RAI1: variants seen among roughly 807,000 people sequenced by gnomAD.
The protein encoded by RAI1 is retinoic acid induced 1.
RAI1 carries 9 observed loss-of-function variants against 123.8 expected under a neutral mutation model. The ratio of observed to expected loss-of-function variants is 0.07; its 90% CI spans 0.04 to 0.13. The LOEUF is 0.13. Among genes scored for constraint, RAI1 ranks in the 10% least tolerant of loss-of-function variants. RAI1 has a pLI of 1.00. For missense variants in RAI1, 2,256 were observed against 2,545.8 expected (o/e 0.89, Z 2.45); for synonymous variants, 1,231 against 1,127.3 (o/e 1.09, Z -1.84).
intron 2 of RAI1, chr17:17,778,814 G>C (rs570232278): frequency 2.2e-6 from 1 of 456,770 alleles, no homozygotes; most frequent in African/African-American, 2.0e-5. Flanking sequence ...AGCTAGCTAT[G>C]TACAGCTGGA....
At chr17:17,748,093 G>T (rs1048331806) in intron 2 of RAI1, among the ~76,000 whole-genome samples, 1 of 152,220 alleles carries the variant, frequency 6.6e-6, no homozygotes, top group Non-Finnish European at 1.5e-5. Flanking sequence ...GAGTCATGGC[G>T]GAAGGCGAAA....
chr17:17,811,121 C>T lies in RAI1; in HGVS notation c.*1140C>T, dbSNP rs1381367242. 6.8e-6 allele frequency: 2 copies of T among 292,104 alleles called. No individual in the cohort carries two copies. Among genetic ancestry groups the T allele is most frequent in the African/African-American group, 4.6e-5 (2 of 43,880 alleles). The allele number at this position is 292,104 out of a possible 1,614,324, so 18.1% of individuals were successfully genotyped here. ...TGTCCGTCCGTGTCCTCAGCTCTGT[C>T]CACGCTTCGATAGGCCTGACGCAGC... On this transcript the variant is annotated 3_prime_UTR_variant, in exon 6 of 6. Coordinates refer to ENST00000353383, the MANE Select transcript of RAI1 (RefSeq NM_030665.4).
intron 1 of RAI1, among the ~76,000 whole-genome samples, chr17:17,682,834 C>T (rs1318706608): frequency 6.6e-6 from 1 of 151,904 alleles, no homozygotes; most frequent in African/African-American, 2.4e-5. Context: ...CTCTCCTGCG[C>T]GGAGCCCGGG....
At chr17:17,778,618 T>C (rs2031440237) in intron 2 of RAI1, 1 of 408,284 alleles carries the variant, frequency 2.4e-6, no homozygotes, top group Non-Finnish European at 5.0e-6. Context: ...GTGGCTCCTC[T>C]CACCCCTGAA....
At chr17:17,712,538 T>G (rs1037580511) in intron 1 of RAI1, among the ~76,000 whole-genome samples, 2 of 152,164 alleles carry the variant, frequency 1.3e-5, no homozygotes, top group Non-Finnish European at 2.9e-5. Context: ...TTAAGTCTTA[T>G]GTGAGGTGGG....
rs1598006687 is a variant in RAI1, at chr17:17,681,805, G to C, written c.-149+12G>C. ...GCGCGGGCGCCGAGGTGAGCAGCGA[G>C]CGCCGGGGCGCGGGGGGCGCAGTGT... On this transcript the variant is annotated intron_variant, in intron 1 of 5. Coordinates refer to ENST00000353383, the MANE Select transcript of RAI1 (RefSeq NM_030665.4). 1 of 293,332 alleles carries C rather than the reference G, an allele frequency of 3.4e-6. No individual in the cohort carries two copies. The highest frequency in any genetic ancestry group is 6.3e-6 in the Non-Finnish European group (1 of 157,666). 18.2% of individuals were successfully genotyped at this position (293,332 alleles called of 1,614,324 possible). A position where few individuals can be genotyped will look rare whatever the true frequency, so the allele number is the denominator to read the frequency against.
At chr17:17,735,468 C>T (rs1474201183) in intron 2 of RAI1, among the ~76,000 whole-genome samples, 1 of 151,860 alleles carries the variant, frequency 6.6e-6, no homozygotes, top group African/African-American at 2.4e-5. Flanking sequence ...ATTCTCCTGC[C>T]TCAGCCACCC....
intron 1 of RAI1, among the ~76,000 whole-genome samples, chr17:17,709,922 G>T (rs777715916): frequency 6.6e-6 from 1 of 152,152 alleles, no homozygotes; most frequent in Admixed American, 6.5e-5. Context: ...ACAGGCGTGC[G>T]CACATTCCTA....
At position 17,789,467 on chromosome 17, in the gene RAI1, C is replaced by T. The variant is rs1471040072; in HGVS notation, c.-16-3466C>T. Among the ~76,000 whole-genome samples the T allele has an allele frequency of 2.6e-5, 4 of 152,316 alleles. No individual in the cohort carries two copies. The East Asian group carries it at 5.8e-4, about 22-fold the overall frequency. ...GTGCCCCAGGTGTGTGCCACACTGCCGAAGGCCTGTGAGAGCCGCTGGCCT... is the reference window on the plus strand; with the variant it reads ...GTGCCCCAGGTGTGTGCCACACTGCTGAAGGCCTGTGAGAGCCGCTGGCCT... On this transcript the variant is annotated intron_variant, in intron 2 of 5. Coordinates refer to ENST00000353383, the MANE Select transcript of RAI1 (RefSeq NM_030665.4).
chr17:17,791,546 CT>C (rs918433500), intron 2 of RAI1, among the ~76,000 whole-genome samples: 2 of 152,220 alleles, frequency 1.3e-5, no homozygotes, highest in Admixed American at 6.5e-5. Flanking sequence ...CCACCCCTTC[CT>C]TTTGGAGCAT....
chr17:17,732,670 T>C (rs1157042169), intron 2 of RAI1, among the ~76,000 whole-genome samples: 2 of 152,162 alleles, frequency 1.3e-5, no homozygotes, highest in Non-Finnish European at 2.9e-5. Flanking sequence ...TTATCATCCC[T>C]ATTTGACAGA....
intron 1 of RAI1, among the ~76,000 whole-genome samples, chr17:17,708,371 G>A (rs1268448532): frequency 6.6e-6 from 1 of 151,870 alleles, no homozygotes; most frequent in Non-Finnish European, 1.5e-5. Flanking sequence ...CAAGGAATTG[G>A]CTTTTGCACC....
Position 17,800,265 on chromosome 17 carries a change from A to G in RAI1, c.5565+1752A>G, listed in dbSNP as rs1358499046. Among the ~76,000 whole-genome samples, 3 of 145,782 alleles carry G rather than the reference A, an allele frequency of 2.1e-5. No homozygotes were observed. Among genetic ancestry groups the G allele is most frequent in the African/African-American group, 7.7e-5 (3 of 39,170 alleles). ...CTTCCCAGCGCCTTGAAACAGGTTCAAGTCTCTCCCGTCATCAAAAAATAA... is the reference window on the plus strand; with the variant it reads ...CTTCCCAGCGCCTTGAAACAGGTTCGAGTCTCTCCCGTCATCAAAAAATAA... On this transcript the variant is annotated intron_variant, in intron 3 of 5. Transcript: ENST00000353383. This position sits in a 1 kb window ranked among gnomAD's most constrained non-coding sequence, Gnocchi z 4.7.
At position 17,795,877 on chromosome 17, in the gene RAI1, A is replaced by G. The variant is rs2032221680; in HGVS notation, c.2929A>G (p.Asn977Asp). The G allele has an allele frequency of 1.2e-6, 2 of 1,612,576 alleles. No individual in the cohort carries two copies. Among genetic ancestry groups the G allele is most frequent in the Non-Finnish European group, 1.7e-6 (2 of 1,179,974 alleles). The change falls in exon 3 of 6, where the codon AAC (asparagine) becomes GAC (aspartate). Residue 977 changes from asparagine to aspartate, a missense_variant. This residue lies in a region of RAI1 where 566 missense variants were observed against 616.0 expected (regional missense o/e 0.92). Coordinates refer to ENST00000353383, the MANE Select transcript of RAI1 (RefSeq NM_030665.4). This position sits in a 1 kb window ranked among gnomAD's most constrained non-coding sequence, Gnocchi z 5.9. ...TSDASLAQKP[N>D]KPAVPEAPIA... Reference sequence around the variant, plus strand: ...GGACGCCTCTCTGGCCCAGAAGCCCAACAAGCCTGCTGTGCCCGAGGCGCC... The same window carrying G: ...GGACGCCTCTCTGGCCCAGAAGCCCGACAAGCCTGCTGTGCCCGAGGCGCC...
At position 17,794,472 on chromosome 17, in the gene RAI1, G is replaced by A. The variant is rs141826168; in HGVS notation, c.1524G>A (p.Thr508=). The A allele has an allele frequency of 6.8e-4, 1,100 of 1,612,132 alleles. 3 individuals are homozygous for A. Among genetic ancestry groups the A allele is most frequent in the South Asian group, 6.2e-4 (56 of 91,036 alleles). The change falls in exon 3 of 6, where the codon ACG becomes ACA. Residue 508 remains threonine, a synonymous_variant. Transcript: ENST00000353383. The stretch of plus-strand genomic sequence containing the variant: ...CGCCGAGCAGCACGCCACAGTCCAC[G>A]CATGCGGAGCCGCAGGAGGCCGACT... The part of the protein sequence containing the change: ...SEPPSSTPQS[T]HAEPQEADYL...
At position 17,793,873 on chromosome 17, in the gene RAI1, G is replaced by C. The variant is rs542056789; in HGVS notation, c.925G>C (p.Ala309Pro). 6.2e-7 allele frequency: 1 copy of C among 1,613,582 alleles called. No homozygotes were observed. Among genetic ancestry groups the C allele is most frequent in the South Asian group, 1.1e-5 (1 of 91,080 alleles). ...GGAAACCCTCCATTACCAAAACCTC[G>C]CCAAGTATCAGCACTACGGGCAGCA... is the stretch of plus-strand genomic sequence containing the variant. ...AQETLHYQNL[A>P]KYQHYGQQGQ... The change falls in exon 3 of 6, where the codon GCC (alanine) becomes CCC (proline). Residue 309 changes from alanine (A) to proline (P), a missense_variant. Physicochemically the swap from Ala to Pro is conservative, Grantham distance 27 (BLOSUM62 -1). Transcript: ENST00000353383.
chr17:17,712,119 G>A (rs1051576605), intron 1 of RAI1, among the ~76,000 whole-genome samples: 3 of 152,216 alleles, frequency 2.0e-5, no homozygotes, highest in Non-Finnish European at 2.9e-5. Context: ...TGGGGCGCTT[G>A]GGTTTTTGCA....
intron 2 of RAI1, among the ~76,000 whole-genome samples, chr17:17,762,948 C>T (rs1272948191): frequency 2.6e-5 from 4 of 152,112 alleles, no homozygotes; most frequent in African/African-American, 9.7e-5. Context: ...TGGAAACCCT[C>T]CTGCTCCAGG....
chr17:17,754,636 C>T (rs1045749547), intron 2 of RAI1, among the ~76,000 whole-genome samples: 1 of 152,184 alleles, frequency 6.6e-6, no homozygotes, highest in Non-Finnish European at 1.5e-5. Flanking sequence ...CATGGGAAAC[C>T]GGCCCTCTGT....
Sources: gnomAD v4.1 joint callset for allele counts (sites outside exome capture counted in the v4.1 genomes callset) on GRCh38, gnomAD v4.1.1 for gene constraint, gnomAD v4.1.1 regional missense constraint, Gnocchi (gnomAD v3.1) non-coding constraint, MANE v1.5 for transcripts, NCBI Gene and HGNC (gene_info 2026-07-23, HGNC 2026-07-21) for gene names.